The following KCNH1 variants were observed in gnomAD, a reference collection of about 807,000 sequenced individuals.
The protein encoded by KCNH1 is voltage-gated delayed rectifier potassium channel KCNH1.
In KCNH1, 27 loss-of-function variants were observed where a neutral mutation model predicts 69.2. The ratio of observed to expected loss-of-function variants is 0.39; its 90% CI spans 0.29 to 0.54. KCNH1 has a LOEUF of 0.54. Ranked by LOEUF, KCNH1 falls within the 20% of genes least tolerant of loss-of-function variation. The pLI, the probability that KCNH1 is intolerant of heterozygous loss-of-function variation, is 0.68. For missense variants in KCNH1, 798 were observed against 1,261.6 expected, an observed-to-expected ratio of 0.63 and a Z score of 5.57; for synonymous variants, 456 against 487.7, an observed-to-expected ratio of 0.93 and a Z score of 0.86.
intron 10 of KCNH1, among the ~76,000 whole-genome samples, chr1:210,703,604 G>A (rs981427736): frequency 2.0e-5 from 3 of 152,106 alleles, no homozygotes; most frequent in Non-Finnish European, 4.4e-5. Flanking sequence ...ACATATATTT[G>A]CTTGTGTCAT....
intron 10 of KCNH1, among the ~76,000 whole-genome samples, chr1:210,753,965 A>T (rs549703276): frequency 6.7e-6 from 1 of 148,404 alleles, no homozygotes; most frequent in East Asian, 2.0e-4. Flanking sequence ...CCCAGGCTGG[A>T]CTGCAGCGGC....
chr1:211,015,083 G>A (rs1303734273), intron 6 of KCNH1, among the ~76,000 whole-genome samples: 1 of 152,146 alleles, frequency 6.6e-6, no homozygotes, highest in Non-Finnish European at 1.5e-5. Flanking sequence ...GGAAACTGCT[G>A]GGTCTGTCCC....
At chr1:210,971,647 T>G (rs1447780440) in intron 6 of KCNH1, among the ~76,000 whole-genome samples, 1 of 152,156 alleles carries the variant, frequency 6.6e-6, no homozygotes, top group Non-Finnish European at 1.5e-5. Context: ...AGTGCAGTCT[T>G]GTGGGTAACC....
At chr1:210,947,061 C>G (rs1026411778) in intron 6 of KCNH1, among the ~76,000 whole-genome samples, 14 of 152,346 alleles carry the variant, frequency 9.2e-5, no homozygotes, top group Non-Finnish European at 1.6e-4. Flanking sequence ...CTGTTAATTT[C>G]AAGACCAAAG....
At chr1:211,021,315 A>T (rs1689583327) in intron 5 of KCNH1, among the ~76,000 whole-genome samples, 3 of 152,274 alleles carry the variant, frequency 2.0e-5, no homozygotes, top group African/African-American at 7.2e-5. Flanking sequence ...GAAATAAAAA[A>T]AAATTAAAAA....
chr1:211,048,474 T>A (rs1558582167), intron 5 of KCNH1, among the ~76,000 whole-genome samples: 1 of 152,146 alleles, frequency 6.6e-6, no homozygotes, highest in Non-Finnish European at 1.5e-5. Flanking sequence ...AAATGTGGTG[T>A]ATATACATAT....
intron 10 of KCNH1, among the ~76,000 whole-genome samples, chr1:210,707,285 G>C (rs956609849): frequency 6.6e-6 from 1 of 152,096 alleles, no homozygotes; most frequent in Non-Finnish European, 1.5e-5. Context: ...TCTGCAATGA[G>C]GTCCCTGTCC....
intron 7 of KCNH1, among the ~76,000 whole-genome samples, chr1:210,828,830 C>T (rs1016106051): frequency 6.6e-6 from 1 of 152,198 alleles, no homozygotes; most frequent in East Asian, 1.9e-4. Flanking sequence ...TGCTCTGAGC[C>T]ATCCCCAGCT....
At chr1:210,717,827 T>C (rs1026451019) in intron 10 of KCNH1, among the ~76,000 whole-genome samples, 3 of 152,120 alleles carry the variant, frequency 2.0e-5, no homozygotes, top group Admixed American at 6.5e-5. Context: ...TAAAATTGGC[T>C]GAGTGCAGTG....
At chr1:211,086,609 G>A (rs939765686) in intron 4 of KCNH1, among the ~76,000 whole-genome samples, 2 of 152,106 alleles carry the variant, frequency 1.3e-5, no homozygotes, top group African/African-American at 4.8e-5. Flanking sequence ...GCTATTTACT[G>A]GGTCTTTTCT....
intron 7 of KCNH1, among the ~76,000 whole-genome samples, chr1:210,868,427 A>AT (rs71134642): frequency 1 from 151,880 of 151,896 alleles, 75,932 homozygotes; most frequent in Middle Eastern, 1. Flanking sequence ...CTAATGTATA[A>AT]TTTTTTCTTT....
At chr1:211,044,253 C>A (rs1690052559) in intron 5 of KCNH1, among the ~76,000 whole-genome samples, 1 of 152,180 alleles carries the variant, frequency 6.6e-6, no homozygotes, top group Non-Finnish European at 1.5e-5. Flanking sequence ...TGTCCAGATA[C>A]AAAATTAATG....
chr1:210,870,097 T>C (rs532497425), intron 7 of KCNH1, among the ~76,000 whole-genome samples: 1 of 152,154 alleles, frequency 6.6e-6, no homozygotes, highest in Non-Finnish European at 1.5e-5. Flanking sequence ...ATAGGTCTTA[T>C]CTCATTTGTT....
intron 10 of KCNH1, among the ~76,000 whole-genome samples, chr1:210,731,357 G>A (rs61829483): frequency 0.19 from 28,244 of 152,166 alleles, 3,457 homozygotes; most frequent in Non-Finnish European, 0.28. Context: ...TGGCAGAACT[G>A]CATGGCTTCA....
intron 2 of KCNH1, among the ~76,000 whole-genome samples, chr1:211,103,968 A>G (rs991173020): frequency 5.3e-5 from 8 of 152,346 alleles, no homozygotes; most frequent in African/African-American, 1.7e-4. Context: ...GTAAGGACAG[A>G]TTAGGTCTAA....
chr1:210,730,753 G>A (rs547539399), intron 10 of KCNH1, among the ~76,000 whole-genome samples: 1 of 152,176 alleles, frequency 6.6e-6, no homozygotes, highest in Non-Finnish European at 1.5e-5. Context: ...GCCCAGGCTA[G>A]AGCCAAGCAC....
At chr1:210,718,651 TACACAC>T (rs57407331) in intron 10 of KCNH1, among the ~76,000 whole-genome samples, 3,524 of 75,512 alleles carry the variant, frequency 0.047, 365 homozygotes, top group Middle Eastern at 0.058. Context: ...CATATATATA[TACACAC>T]ACACACACAC....
rs570229966 is a variant in KCNH1 at position 210,859,012 on chromosome 1, T to G, written c.1463-54846A>C. Reference sequence around the variant, plus strand: ...GTTTCTTTTCCAGTGCCAGGTTGCATGATCAGGTCCCATCTCCTGGGGTTG... The same window carrying G: ...GTTTCTTTTCCAGTGCCAGGTTGCAGGATCAGGTCCCATCTCCTGGGGTTG... On this transcript the variant is annotated intron_variant, in intron 7 of 10. Transcript: ENST00000271751. 4.4e-5 allele frequency: 20 copies of G among 458,834 alleles called. No homozygotes were observed. In the Admixed American group the frequency reaches 6.1e-4, roughly 14 times the overall value. The allele number at this position is 458,834 out of a possible 1,614,324, so 28.4% of individuals were successfully genotyped here.
intron 10 of KCNH1, among the ~76,000 whole-genome samples, chr1:210,713,018 G>C (rs1682116446): frequency 1.3e-5 from 2 of 152,118 alleles, no homozygotes; most frequent in African/African-American, 4.8e-5. Flanking sequence ...TTCTCCATCA[G>C]GAGGGGTGCT....
Sources: allele counts gnomAD v4.1 joint callset (sites outside exome capture counted in the v4.1 genomes callset), GRCh38; gene constraint gnomAD v4.1.1; transcripts MANE v1.5; gene names NCBI Gene and HGNC (gene_info 2026-07-23, HGNC 2026-07-21).